Variants in DIP2B observed in about 807,000 individuals in gnomAD.
DIP2B encodes DIP2 acetate--CoA ligase B (putative).
DIP2B carries 76 observed loss-of-function variants against 198.0 expected under a neutral mutation model. The ratio of observed to expected loss-of-function variants is 0.38; its 90% CI spans 0.32 to 0.46. The LOEUF is 0.46. Among genes scored for constraint, DIP2B ranks in the 20% least tolerant of loss-of-function variants. The pLI is 0.99. For missense variants in DIP2B, 1,559 were observed against 1,978.4 expected (o/e 0.79, Z 4.02); for synonymous variants, 701 against 739.1 (o/e 0.95, Z 0.84).
At chr12:50,516,089 CCTT>C (rs1378551033) in intron 1 of DIP2B, among the ~76,000 whole-genome samples, 2 of 152,082 alleles carry the variant, frequency 1.3e-5, no homozygotes, top group African/African-American at 4.8e-5. Context: ...AAAGATGGCA[CCTT>C]CTTGTTGCAT....
At position 50,671,253 on chromosome 12, in the gene DIP2B, A is replaced by C. The variant is rs567723801; in HGVS notation, c.495A>C (p.Gln165His). The part of the protein sequence containing the change: ...RRQAALSAAL[Q>H]QSLQNAESWI... ...AAGCTGCGCTCTCTGCTGCCTTGCA[A>C]CAGAGCTTACAGAATGCTGAGTCCT... Residue 165 changes from glutamine to histidine, a missense_variant, in exon 5 of 38, where the codon CAA becomes CAC. Gln to His is a conservative substitution (Grantham distance 24). Coordinates refer to ENST00000301180, the MANE Select transcript of DIP2B (RefSeq NM_173602.3). 10 of 1,614,180 alleles carry C rather than the reference A, an allele frequency of 6.2e-6. No individual in the cohort carries two copies. In the South Asian group the frequency reaches 1.1e-4, roughly 18 times the overall value.
chr12:50,659,109 TA>T (rs753225729), intron 3 of DIP2B, among the ~76,000 whole-genome samples: 3 of 152,094 alleles, frequency 2.0e-5, no homozygotes, highest in African/African-American at 4.8e-5. Context: ...TCAACTTACA[TA>T]GGCTACCTTA....
At chr12:50,653,462 CTGGGTAGCTGGTA>C (rs1423877706) in intron 3 of DIP2B, among the ~76,000 whole-genome samples, 2 of 150,860 alleles carry the variant, frequency 1.3e-5, no homozygotes, top group Non-Finnish European at 2.9e-5. Flanking sequence ...ACCCCCAGCC[CTGGGTAGCTGGTA>C]CTACATGAGC....
intron 10 of DIP2B, among the ~76,000 whole-genome samples, chr12:50,684,748 C>T (rs1331345564): frequency 1.3e-5 from 2 of 151,722 alleles, no homozygotes; most frequent in African/African-American, 4.8e-5. Flanking sequence ...GTCAAGATTG[C>T]GCCACTGTAT....
chr12:50,588,311 CCAGCTAATT>C (rs2139426518), intron 1 of DIP2B, among the ~76,000 whole-genome samples: 1 of 151,992 alleles, frequency 6.6e-6, no homozygotes, highest in Non-Finnish European at 1.5e-5. Flanking sequence ...GCTACCAGGC[CCAGCTAATT>C]CTTTGTATTT....
chr12:50,616,095 C>T (rs1346270374), intron 1 of DIP2B, among the ~76,000 whole-genome samples: 1 of 152,198 alleles, frequency 6.6e-6, no homozygotes, highest in Non-Finnish European at 1.5e-5. Context: ...TGCTTGGTGC[C>T]TTAGGTGAAA....
Position 50,541,264 on chromosome 12 carries a change from G to A in DIP2B, c.100+36024G>A, listed in dbSNP as rs182879342. 1.7e-3 allele frequency among the ~76,000 whole-genome samples: 257 copies of A among 152,202 alleles called. 2 individuals are homozygous for A. The highest frequency in any genetic ancestry group is 5.9e-3 in the African/African-American group (246 of 41,564). On this transcript the variant is annotated intron_variant, in intron 1 of 37. Coordinates refer to ENST00000301180, the MANE Select transcript of DIP2B (RefSeq NM_173602.3). ...TCCAGTCTTGAATTGTAGTGTTTCTGTGAAGTTTGTAACTTTTTAAGCTTC... is the reference window on the plus strand; with the variant it reads ...TCCAGTCTTGAATTGTAGTGTTTCTATGAAGTTTGTAACTTTTTAAGCTTC...
At chr12:50,509,353 C>T (rs536195172) in intron 1 of DIP2B, among the ~76,000 whole-genome samples, 8 of 152,168 alleles carry the variant, frequency 5.3e-5, no homozygotes, top group African/African-American at 1.9e-4. Flanking sequence ...AAGTGCAACG[C>T]GAAGAATGTT....
chr12:50,682,155 G>A (rs1408862504), intron 9 of DIP2B, among the ~76,000 whole-genome samples: 1 of 152,164 alleles, frequency 6.6e-6, no homozygotes, highest in African/African-American at 2.4e-5. Context: ...TGTGTTACAG[G>A]TGAGATCACA....
intron 1 of DIP2B, among the ~76,000 whole-genome samples, chr12:50,550,060 TGCTTTAACCAGCGGGATGGCA>T: frequency 6.6e-6 from 1 of 152,336 alleles, no homozygotes; most frequent in East Asian, 1.9e-4. Context: ...TGAGTATTCC[TGCTTTAACCAGCGGGATGGCA>T]GCCATTTTGC....
At chr12:50,565,847 C>T (rs1224699868) in intron 1 of DIP2B, among the ~76,000 whole-genome samples, 1 of 152,148 alleles carries the variant, frequency 6.6e-6, no homozygotes, top group Non-Finnish European at 1.5e-5. Flanking sequence ...AATTGATTTA[C>T]CCCTTTGGGG....
rs535302455 is a variant in DIP2B at position 50,633,771 on chromosome 12, A to G, written c.173-6953A>G. 2.6e-5 allele frequency among the ~76,000 whole-genome samples: 4 copies of G among 152,304 alleles called. No homozygotes were observed. The East Asian group carries it at 7.7e-4, about 29-fold the overall frequency. ...ACAGAGCGAGACCCTGTCTCCAAAA[A>G]TAAGAAAAACTAACTTAATTCAGTA... On this transcript the variant is annotated intron_variant, in intron 2 of 37. Transcript: ENST00000301180.
chr12:50,612,305 AC>A (rs1959038735), intron 1 of DIP2B, among the ~76,000 whole-genome samples: 1 of 151,370 alleles, frequency 6.6e-6, no homozygotes, highest in South Asian at 2.1e-4. Context: ...GAACCTTTAC[AC>A]CCTCCTGAGG....
intron 1 of DIP2B, among the ~76,000 whole-genome samples, chr12:50,506,470 T>A (rs542519745): frequency 4.6e-5 from 7 of 152,348 alleles, no homozygotes; most frequent in Non-Finnish European, 8.8e-5. Flanking sequence ...TAAATCCTGT[T>A]GGGCACTGAA....
chr12:50,744,468 G>C, intron 37 of DIP2B, 119 bp from the exon 38 acceptor site: 1 of 1,396,148 alleles, frequency 7.2e-7, no homozygotes, highest in South Asian at 1.3e-5. Context: ...CATGACTGCT[G>C]ACGTTCTGGT....
intron 12 of DIP2B, among the ~76,000 whole-genome samples, chr12:50,687,915 T>C (rs923612521): frequency 3.5e-5 from 5 of 141,304 alleles, no homozygotes; most frequent in African/African-American, 1.3e-4. Flanking sequence ...AAAAAAAAAA[T>C]AGAAAAGAGA....
intron 12 of DIP2B, among the ~76,000 whole-genome samples, chr12:50,687,449 A>G (rs902302130): frequency 1.3e-5 from 2 of 152,242 alleles, no homozygotes; most frequent in African/African-American, 4.8e-5. Context: ...ATGAACAGGC[A>G]AATCAATAAA....
chr12:50,660,056 T>C (rs1216633966), intron 3 of DIP2B, 138 bp from the exon 4 acceptor site: 1 of 929,320 alleles, frequency 1.1e-6, no homozygotes, highest in African/African-American at 1.7e-5. Context: ...CTTAATCAAA[T>C]TATAAATAAA....
At chr12:50,523,887 T>A (rs1040020227) in intron 1 of DIP2B, among the ~76,000 whole-genome samples, 46 of 152,224 alleles carry the variant, frequency 3.0e-4, no homozygotes, top group African/African-American at 1.1e-3. Context: ...AACTTGTTGA[T>A]ATTCTGTTTA....
Sources: allele counts gnomAD v4.1 joint callset (sites outside exome capture counted in the v4.1 genomes callset), GRCh38; gene constraint gnomAD v4.1.1; transcripts MANE v1.5; gene names NCBI Gene and HGNC (gene_info 2026-07-23, HGNC 2026-07-21).